EHMT1: variants seen among roughly 807,000 people sequenced by gnomAD.
The protein encoded by EHMT1 is euchromatic histone lysine methyltransferase 1.
EHMT1 carries 15 observed loss-of-function variants against 147.2 expected under a neutral mutation model. The observed-to-expected ratio is 0.10, with a 90% CI of 0.07 to 0.16. The LOEUF is 0.16. Among genes scored for constraint, EHMT1 ranks in the 10% least tolerant of loss-of-function variants. The pLI is 1.00. For synonymous variants in EHMT1, 795 were observed against 709.6 expected (o/e 1.12, Z -1.91); for missense variants, 1,587 against 1,772.4 (o/e 0.90, Z 1.88).
At chr9:137,639,832 T>A (rs1312018536) in intron 1 of EHMT1, among the ~76,000 whole-genome samples, 2 of 152,230 alleles carry the variant, frequency 1.3e-5, no homozygotes. Flanking sequence ...ACTGCAAGGA[T>A]GTCTGTTGTA....
intron 8 of EHMT1, 140 bp from the exon 9 acceptor site, chr9:137,757,740 G>C: frequency 8.1e-7 from 1 of 1,241,984 alleles, no homozygotes; most frequent in Non-Finnish European, 1.2e-6. Context: ...CTAAACCATA[G>C]TGGGTTTCAA....
At chr9:137,675,891 C>A (rs1445959076) in intron 1 of EHMT1, among the ~76,000 whole-genome samples, 1 of 147,140 alleles carries the variant, frequency 6.8e-6, no homozygotes, top group Admixed American at 6.8e-5. Context: ...TCACGCCATT[C>A]TCCCGCCTCA....
intron 1 of EHMT1, among the ~76,000 whole-genome samples, chr9:137,648,639 C>G (rs1845083366): frequency 6.6e-6 from 1 of 152,126 alleles, no homozygotes; most frequent in Admixed American, 6.6e-5. Flanking sequence ...CATTCGAGCA[C>G]TTGGAACAGA....
chr9:137,738,947 T>A (rs1037287615), intron 4 of EHMT1, among the ~76,000 whole-genome samples: 1 of 151,820 alleles, frequency 6.6e-6, no homozygotes, highest in East Asian at 1.9e-4. Flanking sequence ...TTTGACAAGA[T>A]GGAAAGAGTT....
intron 1 of EHMT1, 93 bp downstream of exon 1, chr9:137,619,142 C>T: frequency 3.6e-6 from 1 of 281,220 alleles, no homozygotes; most frequent in Non-Finnish European, 5.1e-6. Context: ...CGGCGGCAGG[C>T]GGCCGGCGGG....
intron 1 of EHMT1, among the ~76,000 whole-genome samples, chr9:137,635,004 G>A (rs1219229052): frequency 6.7e-6 from 1 of 150,272 alleles, no homozygotes; most frequent in East Asian, 2.0e-4. Flanking sequence ...ACAGGTGTGA[G>A]CCACTGCGCC....
Position 137,787,973 on chromosome 9 carries a change from C to G in EHMT1, c.2383-2875C>G. On this transcript the variant is annotated intron_variant, in intron 15 of 26. Transcript: ENST00000460843. This position sits in a 1 kb window ranked among gnomAD's most constrained non-coding sequence, Gnocchi z 4.2. ...CCCTGTGTCCCCCACTGGACAGCCC[C>G]CCAGGAACTGAGGTGCCCTGCAGTA... is the stretch of plus-strand genomic sequence containing the variant. 1 of 1,487,054 alleles carries G rather than the reference C, an allele frequency of 6.7e-7. No homozygotes were observed. Among genetic ancestry groups the G allele is most frequent in the Non-Finnish European group, 9.3e-7 (1 of 1,072,590 alleles). 92.1% of individuals were successfully genotyped at this position (1,487,054 alleles called of 1,614,324 possible).
intron 16 of EHMT1, among the ~76,000 whole-genome samples, chr9:137,795,466 AAC>A (rs1440869698): frequency 1.5e-4 from 17 of 114,418 alleles, no homozygotes; most frequent in Admixed American, 2.5e-4. Flanking sequence ...CACACACATA[AAC>A]ACATTCACTC....
chr9:137,679,863 C>T (rs1007447525), intron 1 of EHMT1, among the ~76,000 whole-genome samples: 1 of 152,042 alleles, frequency 6.6e-6, no homozygotes, highest in African/African-American at 2.4e-5. Flanking sequence ...TCAGGAGTTC[C>T]TTGTTTCAGG....
intron 9 of EHMT1, among the ~76,000 whole-genome samples, chr9:137,760,880 C>T (rs1044277636): frequency 2.6e-5 from 4 of 152,148 alleles, no homozygotes; most frequent in Admixed American, 6.5e-5. Context: ...TGGTGGCGGG[C>T]GCCTGTAGTC....
chr9:137,620,080 C>G (rs1466649159), intron 1 of EHMT1: 1 of 152,090 alleles, frequency 6.6e-6, no homozygotes, highest in Non-Finnish European at 1.5e-5. Context: ...TAATGTATGG[C>G]CTTTTTGTTT....
chr9:137,768,173 G>A (rs1950333134), intron 10 of EHMT1, among the ~76,000 whole-genome samples: 1 of 152,098 alleles, frequency 6.6e-6, no homozygotes, highest in African/African-American at 2.4e-5. Context: ...ACATTTCCCA[G>A]AACACACCGT....
intron 1 of EHMT1, among the ~76,000 whole-genome samples, chr9:137,658,637 GGGTCTTGCCCTGTAGCCCA>G (rs1938741556): frequency 1.3e-5 from 2 of 149,248 alleles, no homozygotes; most frequent in Admixed American, 1.3e-4. Flanking sequence ...TTTTGAGACA[GGGTCTTGCCCTGTAGCCCA>G]GGCTGGAGTG....
chr9:137,675,401 CAAT>C (rs1941146797), intron 1 of EHMT1, among the ~76,000 whole-genome samples: 2 of 147,022 alleles, frequency 1.4e-5, no homozygotes, highest in African/African-American at 4.9e-5. Flanking sequence ...ATTTGGTGAC[CAAT>C]AGGGGGGTTG....
rs564480709 is a variant in EHMT1 at position 137,803,080 on chromosome 9, G to A, written c.2712+2096G>A. ...AAGGCGGCCCTAGTGTGGCTGGTCG[G>A]CCTGCATGCCTGGGCAGTTTGCAGC... On this transcript the variant is annotated intron_variant, in intron 18 of 26. Coordinates refer to ENST00000460843, the MANE Select transcript of EHMT1 (RefSeq NM_024757.5). The A allele has an allele frequency of 8.1e-6, 10 of 1,229,916 alleles. No homozygotes were observed. The Admixed American group carries it at 3.8e-4, about 47-fold the overall frequency. The allele number at this position is 1,229,916 out of a possible 1,614,324, so 76.2% of individuals were successfully genotyped here. A position where few individuals can be genotyped will look rare whatever the true frequency, so the allele number is the denominator to read the frequency against.
At chr9:137,657,118 A>T (rs1051879318) in intron 1 of EHMT1, among the ~76,000 whole-genome samples, 2 of 152,186 alleles carry the variant, frequency 1.3e-5, no homozygotes, top group African/African-American at 4.8e-5. Context: ...TGTAGCAGTG[A>T]ACAAAACAGA....
In EHMT1 at chr9:137,752,421, G is replaced by C. The variant is rs768444103; in HGVS notation, c.1248+13G>C. 5 of 1,611,808 alleles carry C rather than the reference G, an allele frequency of 3.1e-6. No homozygotes were observed. The highest frequency in any genetic ancestry group is 3.3e-5 in the Admixed American group (2 of 59,714). Reference sequence around the variant, plus strand: ...CGAGTCTGACCTGGTAATGCCCAGCGCCTCCTCCTGCGTCTGTGCTGATGT... The same window carrying C: ...CGAGTCTGACCTGGTAATGCCCAGCCCCTCCTCCTGCGTCTGTGCTGATGT... On this transcript the variant is annotated intron_variant, in intron 7 of 26. Coordinates refer to ENST00000460843, the MANE Select transcript of EHMT1 (RefSeq NM_024757.5).
intron 1 of EHMT1, chr9:137,646,395 G>A (rs1844885630): frequency 1.3e-5 from 13 of 985,426 alleles, no homozygotes; most frequent in Non-Finnish European, 1.4e-5. Flanking sequence ...CTGTGACCAC[G>A]GGGAGAGGAC....
chr9:137,626,479 C>T (rs1843265024), intron 1 of EHMT1, among the ~76,000 whole-genome samples: 2 of 147,850 alleles, frequency 1.4e-5, no homozygotes, highest in South Asian at 4.3e-4. Flanking sequence ...GCCATGATCA[C>T]ACCACTGCAC....
Sources: allele counts gnomAD v4.1 joint callset (sites outside exome capture counted in the v4.1 genomes callset), GRCh38; gene constraint gnomAD v4.1.1; non-coding constraint Gnocchi (gnomAD v3.1); transcripts MANE v1.5; gene names NCBI Gene and HGNC (gene_info 2026-07-23, HGNC 2026-07-21).